DLGAP3: variants seen among roughly 807,000 people sequenced by gnomAD.
DLGAP3 encodes the protein disks large-associated protein 3.
DLGAP3 carries 17 observed loss-of-function variants against 81.2 expected under a neutral mutation model. The ratio of observed to expected loss-of-function variants is 0.21; its 90% CI spans 0.14 to 0.31. DLGAP3 has a LOEUF of 0.31. Among genes scored for constraint, DLGAP3 ranks in the 10% least tolerant of loss-of-function variants. The probability of loss-of-function intolerance (pLI) is 1.00; values close to 1 mark genes in which losing one functional copy is unlikely to be tolerated. For missense variants in DLGAP3, 1,124 were observed against 1,388.0 expected, an observed-to-expected ratio of 0.81 and a Z score of 3.02; for synonymous variants, 577 against 587.4, an observed-to-expected ratio of 0.98 and a Z score of 0.26.
chr1:34,873,694 C>T lies in DLGAP3; in HGVS notation c.2001-4605G>A, dbSNP rs539246858. The stretch of plus-strand genomic sequence containing the variant: ...ATTAATTATTATGATTGCTGTTGAT[C>T]ATTTCCATCTGTTCTCCCACAGCGC... On this transcript the variant is annotated intron_variant, in intron 8 of 11. Coordinates refer to ENST00000373347, the MANE Select transcript of DLGAP3 (RefSeq NM_001080418.3). The surrounding 1 kb of genome is among the most constrained non-coding windows in gnomAD (Gnocchi z 4.2). Among the ~76,000 whole-genome samples, 1 of 152,290 alleles carries T rather than the reference C, an allele frequency of 6.6e-6. No individual in the cohort carries two copies. Among genetic ancestry groups the T allele is most frequent in the African/African-American group, 2.4e-5 (1 of 41,560 alleles).
intron 1 of DLGAP3, among the ~76,000 whole-genome samples, chr1:34,926,521 AC>A (rs1296797787): frequency 6.6e-5 from 10 of 152,064 alleles, no homozygotes; most frequent in Non-Finnish European, 1.5e-4. Flanking sequence ...TGTTCTTCCA[AC>A]CCCCACTGAG....
chr1:34,891,779 G>A (rs1349024937), intron 5 of DLGAP3, among the ~76,000 whole-genome samples: 1 of 152,064 alleles, frequency 6.6e-6, no homozygotes, highest in Non-Finnish European at 1.5e-5. Flanking sequence ...CAGATATGGG[G>A]GAAACCCCTA....
Position 34,868,830 on chromosome 1 carries a change from C to T in DLGAP3, c.2260G>A (p.Gly754Arg). 6.3e-7 allele frequency: 1 copy of T among 1,581,670 alleles called. No homozygotes were observed. Among genetic ancestry groups the T allele is most frequent in the Non-Finnish European group, 8.6e-7 (1 of 1,169,076 alleles). The change falls in exon 9 of 12, where the codon GGG becomes AGG. Residue 754 changes from glycine (G) to arginine (R), a missense_variant. By Grantham distance (125) the Gly-to-Arg change is moderately radical (BLOSUM62 -2). Transcript: ENST00000373347. This position sits in a 1 kb window ranked among gnomAD's most constrained non-coding sequence, Gnocchi z 7.5. Reference sequence around the variant, plus strand: ...GGGGCGGGGGCAGGGCCGGGCGACCCATCGGTGGCCGGCGGCTCGTACGGC... The same window carrying T: ...GGGGCGGGGGCAGGGCCGGGCGACCTATCGGTGGCCGGCGGCTCGTACGGC... The part of the protein sequence containing the change: ...PLPYEPPATD[G>R]SPGPAPAPTP...
Position 34,904,014 on chromosome 1 carries a change from G to A in DLGAP3, c.1107+263C>T, listed in dbSNP as rs1307291800. Among the ~76,000 whole-genome samples the A allele has an allele frequency of 6.6e-6, 1 of 152,188 alleles. No homozygotes were observed. Among genetic ancestry groups the A allele is most frequent in the Non-Finnish European group, 1.5e-5 (1 of 68,038 alleles). On this transcript the variant is annotated intron_variant, in intron 3 of 11. Transcript: ENST00000373347. The surrounding 1 kb of genome is among the most constrained non-coding windows in gnomAD (Gnocchi z 8.1). Reference sequence around the variant, plus strand: ...ACCTCCGAAGACAGATATCAGCACAGCCTGTCCAAAACAGTAGGTCAAGGG... The same window carrying A: ...ACCTCCGAAGACAGATATCAGCACAACCTGTCCAAAACAGTAGGTCAAGGG...
chr1:34,926,736 C>T (rs1422479097), intron 1 of DLGAP3, among the ~76,000 whole-genome samples: 1 of 152,148 alleles, frequency 6.6e-6, no homozygotes, highest in African/African-American at 2.4e-5. Flanking sequence ...TCAGTCTCCC[C>T]ACCTGTAAAA....
chr1:34,877,637 A>G (rs1639078075), intron 8 of DLGAP3, among the ~76,000 whole-genome samples: 1 of 152,248 alleles, frequency 6.6e-6, no homozygotes, highest in Non-Finnish European at 1.5e-5. Context: ...TAAACATAAC[A>G]TGGAAGATGG....
chr1:34,922,593 C>T (rs143750984), intron 1 of DLGAP3, among the ~76,000 whole-genome samples: 134 of 152,268 alleles, frequency 8.8e-4, no homozygotes, highest in African/African-American at 3.0e-3. Context: ...CACATATATA[C>T]ATGAATGCAT....
At chr1:34,915,589 T>C (rs1404600905) in intron 1 of DLGAP3, among the ~76,000 whole-genome samples, 1 of 152,192 alleles carries the variant, frequency 6.6e-6, no homozygotes, top group African/African-American at 2.4e-5. Context: ...CAGGGGCTTC[T>C]AGCAACAAGG....
intron 5 of DLGAP3, among the ~76,000 whole-genome samples, chr1:34,887,109 G>A (rs1264769649): frequency 1.3e-5 from 2 of 151,560 alleles, no homozygotes; most frequent in East Asian, 3.9e-4. Context: ...TGCCTGCCAC[G>A]ACGCCCGGCT....
rs894865232 is a variant in DLGAP3, at chr1:34,873,625, T to A, written c.2001-4536A>T. ...AAGAGAGGGAGCTGGACAAACACAA[T>A]CATCGGAATGTAGCACTGAGAACCC... On this transcript the variant is annotated intron_variant, in intron 8 of 11. Transcript: ENST00000373347. The surrounding 1 kb of genome is among the most constrained non-coding windows in gnomAD (Gnocchi z 4.2). Among the ~76,000 whole-genome samples the A allele has an allele frequency of 6.6e-6, 1 of 152,212 alleles. No homozygotes were observed. The highest frequency in any genetic ancestry group is 1.5e-5 in the Non-Finnish European group (1 of 68,050).
chr1:34,900,288 G>A lies in DLGAP3; in HGVS notation c.1108-15C>T, dbSNP rs748095017. 2 of 1,611,752 alleles carry A rather than the reference G, an allele frequency of 1.2e-6. No individual in the cohort carries two copies. Among genetic ancestry groups the A allele is most frequent in the South Asian group, 1.1e-5 (1 of 91,068 alleles). ...TCTTGCGGCACCTGCAGGAACAGGG[G>A]TCTCTGTCTCTCAGACATGACCCTA... On this transcript the variant is annotated splice_polypyrimidine_tract_variant and intron_variant, in intron 3 of 11. Coordinates refer to ENST00000373347, the MANE Select transcript of DLGAP3 (RefSeq NM_001080418.3). The surrounding 1 kb of genome is among the most constrained non-coding windows in gnomAD (Gnocchi z 5.6).
chr1:34,905,271 C>A lies in DLGAP3; in HGVS notation c.113G>T (p.Arg38Met). ...AARAPYLLGS[R>M]EAFSTEPRFC... ...GCGGGGCTCGGTGGAGAAGGCCTCC[C>A]TGGAGCCCAGCAGGTATGGGGCCCT... The change falls in exon 3 of 12, where the codon AGG becomes ATG. Residue 38 changes from arginine to methionine, a missense_variant. Around this residue, in one of 9 missense-constraint regions of DLGAP3, gnomAD observed 167 missense variants for 172.1 expected, o/e 0.97. Transcript: ENST00000373347. The A allele has an allele frequency of 6.5e-7, 1 of 1,544,280 alleles. No homozygotes were observed. Among genetic ancestry groups the A allele is most frequent in the African/African-American group, 1.4e-5 (1 of 72,902 alleles).
rs1252670373 is a variant in DLGAP3, at chr1:34,895,267, C to T, written c.1386+4402G>A. ...CCTGTAGTCTCAGCTACTCCGGAGA[C>T]TGAGGCAGAAGAATGGCGTGAACCC... On this transcript the variant is annotated intron_variant, in intron 5 of 11. Transcript: ENST00000373347. The surrounding 1 kb of genome is among the most constrained non-coding windows in gnomAD (Gnocchi z 4.5). 6.6e-6 allele frequency among the ~76,000 whole-genome samples: 1 copy of T among 151,438 alleles called. No homozygotes were observed. The highest frequency in any genetic ancestry group is 1.5e-5 in the Non-Finnish European group (1 of 67,940).
rs1412016504 is a variant in DLGAP3 at position 34,865,720 on chromosome 1, T to TG, written c.*362dup. 499 of 285,988 alleles carry TG rather than the reference T, an allele frequency of 1.7e-3. 4 individuals are homozygous for TG. The highest frequency in any genetic ancestry group is 0.014 in the African/African-American group (470 of 34,782). The allele number at this position is 285,988 out of a possible 1,614,324, so 17.7% of individuals were successfully genotyped here. A position where few individuals can be genotyped will look rare whatever the true frequency, so the allele number is the denominator to read the frequency against. On this transcript the variant is annotated 3_prime_UTR_variant, in exon 12 of 12. Transcript: ENST00000373347. ...CCCCACGAAGCCCAGCCCCGCGGGG[T>TG]GGGGGAGGGGGGGACGCAGAGCCCA... is the stretch of plus-strand genomic sequence containing the variant.
intron 8 of DLGAP3, among the ~76,000 whole-genome samples, chr1:34,870,808 A>G (rs1638967987): frequency 6.6e-6 from 1 of 152,188 alleles, no homozygotes; most frequent in Non-Finnish European, 1.5e-5. Flanking sequence ...TGCCTCCATC[A>G]GTACCCTGCA....
At chr1:34,905,504 C>A in intron 2 of DLGAP3, 70 bp from the exon 3 acceptor site, 1 of 1,057,754 alleles carries the variant, frequency 9.5e-7, no homozygotes, top group Non-Finnish European at 1.3e-6. Context: ...TTTTATTAGG[C>A]ATCCTTGTAT....
chr1:34,878,325 A>T (rs1639089682), intron 8 of DLGAP3, among the ~76,000 whole-genome samples: 1 of 152,146 alleles, frequency 6.6e-6, no homozygotes, highest in African/African-American at 2.4e-5. Context: ...AAATAAAAAT[A>T]AAAAAATAAG....
intron 1 of DLGAP3, among the ~76,000 whole-genome samples, chr1:34,917,361 T>C (rs1408183880): frequency 2.6e-5 from 4 of 151,288 alleles, no homozygotes; most frequent in African/African-American, 7.3e-5. Flanking sequence ...TTTTTTTTTT[T>C]TTTCGAGATA....
chr1:34,904,566 A>T lies in DLGAP3; in HGVS notation c.818T>A (p.Phe273Tyr). The change falls in exon 3 of 12, where the codon TTC (phenylalanine) becomes TAC (tyrosine). Residue 273 changes from phenylalanine to tyrosine, a missense_variant. Physicochemically the swap from Phe to Tyr is conservative, Grantham distance 22 (BLOSUM62 3). This residue lies in a region of DLGAP3 where 357 missense variants were observed against 408.8 expected (regional missense o/e 0.87). Coordinates refer to ENST00000373347, the MANE Select transcript of DLGAP3 (RefSeq NM_001080418.3). This position sits in a 1 kb window ranked among gnomAD's most constrained non-coding sequence, Gnocchi z 8.1. Reference protein sequence around the residue: ...SDDNLDSDSGFLAGGRPPGEP... With the variant: ...SDDNLDSDSGYLAGGRPPGEP... ...CCCAGGGGGCCTCCCACCCGCCAGG[A>T]AGCCGCTATCACTGTCCAAGTTGTC... 1 of 1,614,128 alleles carries T rather than the reference A, an allele frequency of 6.2e-7. No individual in the cohort carries two copies. Among genetic ancestry groups the T allele is most frequent in the African/African-American group, 1.3e-5 (1 of 75,060 alleles).
Sources: allele counts gnomAD v4.1 joint callset (sites outside exome capture counted in the v4.1 genomes callset), GRCh38; gene constraint gnomAD v4.1.1; regional missense constraint gnomAD v4.1.1; non-coding constraint Gnocchi (gnomAD v3.1); transcripts MANE v1.5; gene names NCBI Gene and HGNC (gene_info 2026-07-23, HGNC 2026-07-21).